IP6K1: variants seen among roughly 807,000 people sequenced by gnomAD.
The protein encoded by IP6K1 is inositol hexakisphosphate kinase 1.
In IP6K1, 13 loss-of-function variants were observed where a neutral mutation model predicts 38.3. The ratio of observed to expected loss-of-function variants is 0.34; its 90% CI spans 0.22 to 0.54. The LOEUF (loss-of-function observed/expected upper bound fraction) is 0.54. Among genes scored for constraint, IP6K1 ranks in the 20% least tolerant of loss-of-function variants. The pLI is 0.92. For synonymous variants in IP6K1, 212 were observed against 229.9 expected (o/e 0.92, Z 0.70); for missense variants, 397 against 599.8 (o/e 0.66, Z 3.53).
Position 49,728,823 on chromosome 3 carries a change from C to T in IP6K1, c.617-545G>A, listed in dbSNP as rs1171036920. The stretch of plus-strand genomic sequence containing the variant: ...AACTCCTGACCTTGTGATTCGCCTG[C>T]CTCAGCCTCCCAAAGTGCTGGGATT... On this transcript the variant is annotated intron_variant, in intron 4 of 5. Transcript: ENST00000321599. 2.6e-5 allele frequency among the ~76,000 whole-genome samples: 4 copies of T among 152,158 alleles called. No homozygotes were observed. The East Asian group carries it at 5.8e-4, about 22-fold the overall frequency.
intron 4 of IP6K1, among the ~76,000 whole-genome samples, chr3:49,729,742 T>A (rs193066742): frequency 1.6e-4 from 24 of 151,622 alleles, no homozygotes; most frequent in African/African-American, 5.1e-4. Flanking sequence ...TTTTATTATT[T>A]TTTTTGAGAC....
intron 2 of IP6K1, among the ~76,000 whole-genome samples, chr3:49,743,230 CAAA>C (rs2080687088): frequency 8.1e-6 from 1 of 122,786 alleles, no homozygotes; most frequent in African/African-American, 3.1e-5. Flanking sequence ...AAAACAAAAA[CAAA>C]AACAAAATAC....
chr3:49,734,593 A>G (rs1397156860), intron 3 of IP6K1, among the ~76,000 whole-genome samples: 6 of 151,940 alleles, frequency 3.9e-5, no homozygotes, highest in Non-Finnish European at 7.4e-5. Context: ...ACACTGGTGA[A>G]GAGGTAGTGG....
chr3:49,747,859 G>A lies in IP6K1; in HGVS notation c.182C>T (p.Ser61Phe), dbSNP rs2080735291. 2.5e-6 allele frequency: 4 copies of A among 1,614,138 alleles called. No individual in the cohort carries two copies. The highest frequency in any genetic ancestry group is 3.4e-6 in the Non-Finnish European group (4 of 1,180,006). ...GAACTCCTTCATTTCGGGAGGGAGG[G>A]ACTCGTAAAAGCGCTGTTCCCGGGA... ...LISREQRFYESLPPEMKEFTP... is the reference protein window; with the variant it reads ...LISREQRFYEFLPPEMKEFTP... Residue 61 changes from serine to phenylalanine, a missense_variant, in exon 2 of 6, where the codon TCC becomes TTC. Around this residue, in one of 3 missense-constraint regions of IP6K1, gnomAD observed 171 missense variants for 237.0 expected, o/e 0.72. Coordinates refer to ENST00000321599, the MANE Select transcript of IP6K1 (RefSeq NM_153273.4).
chr3:49,781,134 T>C (rs1460782473), intron 1 of IP6K1, among the ~76,000 whole-genome samples: 2 of 151,550 alleles, frequency 1.3e-5, no homozygotes, highest in Non-Finnish European at 2.9e-5. Flanking sequence ...CAATCTCAGC[T>C]CACTGCAACC....
chr3:49,743,702 C>T (rs1011148996), intron 2 of IP6K1, among the ~76,000 whole-genome samples: 2 of 151,124 alleles, frequency 1.3e-5, no homozygotes, highest in Non-Finnish European at 1.5e-5. Context: ...TCACTGCAAC[C>T]TCTGCCTCCC....
chr3:49,782,559 T>C (rs1323984812), intron 1 of IP6K1, among the ~76,000 whole-genome samples: 1 of 151,822 alleles, frequency 6.6e-6, no homozygotes, highest in Non-Finnish European at 1.5e-5. Context: ...GCCTGCACTT[T>C]AGGAACCCGA....
intron 1 of IP6K1, among the ~76,000 whole-genome samples, chr3:49,762,915 G>C (rs957639381): frequency 6.6e-6 from 1 of 151,960 alleles, no homozygotes; most frequent in South Asian, 2.1e-4. Flanking sequence ...GGGATTATAG[G>C]AGCGCACAAC....
chr3:49,746,815 A>T (rs1399101043), intron 2 of IP6K1, among the ~76,000 whole-genome samples: 1 of 152,190 alleles, frequency 6.6e-6, no homozygotes, highest in African/African-American at 2.4e-5. Context: ...CAAAAATTGT[A>T]ATGATTTCAC....
intron 2 of IP6K1, among the ~76,000 whole-genome samples, chr3:49,743,283 T>TACACAC (rs2080689221): frequency 3.5e-5 from 4 of 114,224 alleles, no homozygotes; most frequent in African/African-American, 3.6e-5. Flanking sequence ...CACACACACT[T>TACACAC]ACCTTTCAGC....
At chr3:49,739,279 A>C (rs2080643432) in intron 2 of IP6K1, among the ~76,000 whole-genome samples, 1 of 150,740 alleles carries the variant, frequency 6.6e-6, no homozygotes, top group African/African-American at 2.4e-5. Context: ...TTTATGGTTT[A>C]TTTTTTGTAG....
At chr3:49,767,224 A>G (rs1306257670) in intron 1 of IP6K1, among the ~76,000 whole-genome samples, 3 of 151,910 alleles carry the variant, frequency 2.0e-5, no homozygotes, top group Non-Finnish European at 2.9e-5. Context: ...GGCTGCAGTG[A>G]GCTACATTCA....
chr3:49,727,170 C>G lies in IP6K1; in HGVS notation c.1278G>C (p.Leu426=), dbSNP rs1303202345. Residue 426 remains leucine, a synonymous_variant, in exon 6 of 6, where the codon CTG becomes CTC. Transcript: ENST00000321599. The surrounding 1 kb of genome is among the most constrained non-coding windows in gnomAD (Gnocchi z 5.9). ...DGPDRGYVFG[L]ENLISIMEQM... is the part of the protein sequence containing the mutation. ...GTTCCATGATGCTGATGAGGTTCTC[C>G]AGGCCAAACACGTAGCCTCTGTCTG... 6 of 1,613,986 alleles carry G rather than the reference C, an allele frequency of 3.7e-6. No homozygotes were observed. The East Asian group carries it at 1.3e-4, about 36-fold the overall frequency.
At chr3:49,738,508 C>T (rs2080636670) in intron 2 of IP6K1, 86 bp from the exon 3 acceptor site, 3 of 1,022,326 alleles carry the variant, frequency 2.9e-6, no homozygotes, top group Non-Finnish European at 3.1e-6. Flanking sequence ...CTTTCCCACA[C>T]AGCATGAAGA....
chr3:49,776,360 T>C (rs1032115363), intron 1 of IP6K1, among the ~76,000 whole-genome samples: 16 of 151,616 alleles, frequency 1.1e-4, no homozygotes, highest in Non-Finnish European at 1.9e-4. Context: ...CTACTAAAAA[T>C]ACAAAAATTA....
chr3:49,772,176 G>A (rs1298585664), intron 1 of IP6K1, among the ~76,000 whole-genome samples: 1 of 148,592 alleles, frequency 6.7e-6, no homozygotes, highest in Admixed American at 6.8e-5. Flanking sequence ...TTGCACCACT[G>A]TACTCCAGCC....
At chr3:49,765,868 C>T (rs1340564340) in intron 1 of IP6K1, among the ~76,000 whole-genome samples, 1 of 151,282 alleles carries the variant, frequency 6.6e-6, no homozygotes, top group East Asian at 2.0e-4. Context: ...CACAGCGAAA[C>T]CCCATATCTA....
intron 1 of IP6K1, among the ~76,000 whole-genome samples, chr3:49,778,110 G>A (rs1333579750): frequency 6.6e-6 from 1 of 151,756 alleles, no homozygotes; most frequent in Non-Finnish European, 1.5e-5. Flanking sequence ...TGGATCACAA[G>A]GTCAGGAGAT....
intron 1 of IP6K1, among the ~76,000 whole-genome samples, chr3:49,769,016 A>G (rs1342418737): frequency 6.6e-6 from 1 of 152,222 alleles, no homozygotes; most frequent in Non-Finnish European, 1.5e-5. Context: ...AATTTCATTT[A>G]CAATAGCATC....
Sources: allele counts gnomAD v4.1 joint callset (sites outside exome capture counted in the v4.1 genomes callset), GRCh38; gene constraint gnomAD v4.1.1; regional missense constraint gnomAD v4.1.1; non-coding constraint Gnocchi (gnomAD v3.1); transcripts MANE v1.5; gene names NCBI Gene and HGNC (gene_info 2026-07-23, HGNC 2026-07-21).